PRKDC: variants seen among roughly 807,000 people sequenced by gnomAD.
The protein encoded by PRKDC is DNA-dependent protein kinase catalytic subunit.
PRKDC carries 82 observed loss-of-function variants against 486.9 expected under a neutral mutation model. That is an observed-to-expected ratio of 0.17 (90% CI 0.14 to 0.20). PRKDC has a LOEUF of 0.20. Among genes scored for constraint, PRKDC ranks in the 10% least tolerant of loss-of-function variants. The pLI, the probability that PRKDC is intolerant of heterozygous loss-of-function variation, is 1.00. For missense variants in PRKDC, 4,504 were observed against 5,038.2 expected (o/e 0.89, Z 3.21); for synonymous variants, 1,895 against 1,837.0 (o/e 1.03, Z -0.81).
At chr8:47,869,854 C>CAG (rs1041463378) in intron 40 of PRKDC, among the ~76,000 whole-genome samples, 1 of 152,134 alleles carries the variant, frequency 6.6e-6, no homozygotes, top group Non-Finnish European at 1.5e-5. Flanking sequence ...AAGCTGACTA[C>CAG]AGAGCCCTTG....
intron 61 of PRKDC, among the ~76,000 whole-genome samples, chr8:47,830,059 G>A (rs992446542): frequency 3.3e-5 from 5 of 152,144 alleles, no homozygotes; most frequent in Non-Finnish European, 5.9e-5. Flanking sequence ...AAAAAGCATG[G>A]TACTGGTACA....
intron 54 of PRKDC, 80 bp from the exon 55 acceptor site, chr8:47,840,269 T>G (rs1392814409): frequency 1.7e-6 from 2 of 1,155,642 alleles, no homozygotes; most frequent in Admixed American, 5.3e-5. Flanking sequence ...CAACTTTTTC[T>G]TCTTTGTTTC....
At position 47,819,500 on chromosome 8, in the gene PRKDC, C is replaced by T; in HGVS notation, c.9347G>A (p.Ser3116Asn). The T allele has an allele frequency of 3.8e-6, 3 of 792,092 alleles. No homozygotes were observed. Among genetic ancestry groups the T allele is most frequent in the Non-Finnish European group, 5.6e-6 (3 of 531,186 alleles). The allele number at this position is 792,092 out of a possible 1,614,324, so 49.1% of individuals were successfully genotyped here. A position where few individuals can be genotyped will look rare whatever the true frequency, so the allele number is the denominator to read the frequency against. ...ACTTTGGTGTAAGAGGACATCAATA[C>T]TAGAATAATTCTTAAAAAAAAAAAA... Reference protein sequence around the residue: ...GIQSFMQNYSSIDVLLHQSRL... With the variant: ...GIQSFMQNYSNIDVLLHQSRL... The change falls in exon 67 of 86, where the codon AGT becomes AAT. Residue 3116 changes from serine to asparagine, a missense_variant. Physicochemically the swap from Ser to Asn is conservative, Grantham distance 46. Coordinates refer to ENST00000314191, the MANE Select transcript of PRKDC (RefSeq NM_006904.7).
In PRKDC at chr8:47,898,709, GA is replaced by G. The variant is rs1345309820; in HGVS notation, c.3365-141del. 1.6e-5 allele frequency: 8 copies of G among 506,196 alleles called. No individual in the cohort carries two copies. In the East Asian group the frequency reaches 2.6e-4, roughly 17 times the overall value. 31.4% of individuals were successfully genotyped at this position (506,196 alleles called of 1,614,324 possible). On this transcript the variant is annotated intron_variant, in intron 28 of 85. Transcript: ENST00000314191. ...AGATTTAATATGTTTTCATCCCTAA[GA>G]ATAATAAAATTAGATAAATGATTCA...
At chr8:47,822,406 A>C (rs2154499056) in intron 64 of PRKDC, among the ~76,000 whole-genome samples, 1 of 152,320 alleles carries the variant, frequency 6.6e-6, no homozygotes, top group East Asian at 1.9e-4. Context: ...CTTGATTTAC[A>C]TCTCTACTGG....
intron 74 of PRKDC, among the ~76,000 whole-genome samples, chr8:47,794,083 G>C (rs552263184): frequency 6.6e-6 from 1 of 152,166 alleles, no homozygotes; most frequent in Non-Finnish European, 1.5e-5. Flanking sequence ...TGTTAGCAGT[G>C]TAAGATGAAA....
chr8:47,950,589 A>G (rs2090611164), intron 7 of PRKDC, among the ~76,000 whole-genome samples: 1 of 150,750 alleles, frequency 6.6e-6, no homozygotes, highest in Non-Finnish European at 1.5e-5. Context: ...AGATCATGCC[A>G]CTGCACTCCA....
In PRKDC at chr8:47,782,907, A is replaced by G. The variant is rs749819221; in HGVS notation, c.11176-309T>C. 3 of 399,252 alleles carry G rather than the reference A, an allele frequency of 7.5e-6. No individual in the cohort carries two copies. Among genetic ancestry groups the G allele is most frequent in the African/African-American group, 2.0e-5 (1 of 49,754 alleles). The allele number at this position is 399,252 out of a possible 1,614,324, so 24.7% of individuals were successfully genotyped here. ...ATGCTACACATATTTTATAGTGGAT[A>G]CTCACACACAGCTTACTCTTTGAGT... On this transcript the variant is annotated intron_variant, in intron 78 of 85. Transcript: ENST00000314191. This position sits in a 1 kb window ranked among gnomAD's most constrained non-coding sequence, Gnocchi z 4.9.
At chr8:47,951,870 G>A (rs1246486986) in intron 7 of PRKDC, among the ~76,000 whole-genome samples, 4 of 152,124 alleles carry the variant, frequency 2.6e-5, no homozygotes, top group East Asian at 3.8e-4. Flanking sequence ...CACAACCAAC[G>A]TCACTCATCA....
In PRKDC at chr8:47,890,345, T is replaced by G. The variant is rs768234930; in HGVS notation, c.3983A>C (p.Glu1328Ala). ...AGNRTSPQEG[E>A]RYNYSKCTVV... ...GGTGCATTTGCTGTAGTTGTACCTT[T>G]CTCCCTCTTGTGGGCTTGTTCTGTT... Residue 1328 changes from glutamate to alanine, a missense_variant, in exon 32 of 86, where the codon GAA becomes GCA. Around this residue, in one of 6 missense-constraint regions of PRKDC, gnomAD observed 1,969 missense variants for 2,068.9 expected, o/e 0.95. Transcript: ENST00000314191. The G allele has an allele frequency of 6.2e-7, 1 of 1,613,524 alleles. No individual in the cohort carries two copies. Among genetic ancestry groups the G allele is most frequent in the Non-Finnish European group, 8.5e-7 (1 of 1,179,796 alleles).
At chr8:47,925,739 CA>C (rs2090146342) in intron 21 of PRKDC, among the ~76,000 whole-genome samples, 2 of 151,638 alleles carry the variant, frequency 1.3e-5, no homozygotes, top group African/African-American at 2.4e-5. Flanking sequence ...CAAACGGTTC[CA>C]AAAAAAATGT....
chr8:47,801,985 T>C (rs551500644), intron 70 of PRKDC, among the ~76,000 whole-genome samples: 3 of 152,340 alleles, frequency 2.0e-5, no homozygotes, highest in East Asian at 3.9e-4. Flanking sequence ...TGGATACTAA[T>C]ATTAACATCA....
At chr8:47,959,001 G>T (rs1364641389) in intron 1 of PRKDC, 2 of 152,298 alleles carry the variant, frequency 1.3e-5, no homozygotes, top group Admixed American at 1.3e-4. Context: ...CTCCCAAAGT[G>T]CTGGGATTAC....
chr8:47,774,036 T>A lies in PRKDC; in HGVS notation c.*137A>T, dbSNP rs2086562686. 1.2e-6 allele frequency: 1 copy of A among 850,634 alleles called. No individual in the cohort carries two copies. Among genetic ancestry groups the A allele is most frequent in the Non-Finnish European group, 1.8e-6 (1 of 567,430 alleles). The allele number at this position is 850,634 out of a possible 1,614,324, so 52.7% of individuals were successfully genotyped here. A position where few individuals can be genotyped will look rare whatever the true frequency, so the allele number is the denominator to read the frequency against. On this transcript the variant is annotated 3_prime_UTR_variant, in exon 86 of 86. Coordinates refer to ENST00000314191, the MANE Select transcript of PRKDC (RefSeq NM_006904.7). ...TACTCATCATAATCTTGATTTAAAC[T>A]CATGCTACGAAACTGTAGCACAAAA...
intron 74 of PRKDC, among the ~76,000 whole-genome samples, chr8:47,793,315 G>C (rs1184777947): frequency 1.3e-5 from 2 of 152,148 alleles, no homozygotes; most frequent in African/African-American, 4.8e-5. Context: ...TCACAGATAA[G>C]CCACCCATTA....
At chr8:47,794,826 T>A (rs992234812) in intron 73 of PRKDC, among the ~76,000 whole-genome samples, 1 of 152,232 alleles carries the variant, frequency 6.6e-6, no homozygotes, top group African/African-American at 2.4e-5. Context: ...TGCTCTATAA[T>A]GAATATTTCA....
At chr8:47,931,895 C>T (rs998468850) in intron 16 of PRKDC, among the ~76,000 whole-genome samples, 4 of 152,050 alleles carry the variant, frequency 2.6e-5, no homozygotes, top group African/African-American at 9.7e-5. Flanking sequence ...CATGACTTAT[C>T]CTTTTGTTTT....
chr8:47,960,109 G>A lies in PRKDC; in HGVS notation c.18C>T (p.Ala6=), dbSNP rs887173974. 13 of 1,507,494 alleles carry A rather than the reference G, an allele frequency of 8.6e-6. No individual in the cohort carries two copies. Among genetic ancestry groups the A allele is most frequent in the South Asian group, 4.9e-5 (4 of 81,908 alleles). The allele number at this position is 1,507,494 out of a possible 1,614,324, so 93.4% of individuals were successfully genotyped here. A position where few individuals can be genotyped will look rare whatever the true frequency, so the allele number is the denominator to read the frequency against. Residue 6 remains alanine, a synonymous_variant, in exon 1 of 86, where the codon GCC becomes GCT. Coordinates refer to ENST00000314191, the MANE Select transcript of PRKDC (RefSeq NM_006904.7). ...GCCGCAGCAGGGAGCAACGCACACCGGCTCCGGAGCCCGCCATGCCGCCGA... is the reference window on the plus strand; with the variant it reads ...GCCGCAGCAGGGAGCAACGCACACCAGCTCCGGAGCCCGCCATGCCGCCGA... The part of the protein sequence containing the change: MAGSG[A]GVRCSLLRLQ...
intron 48 of PRKDC, among the ~76,000 whole-genome samples, chr8:47,857,973 C>T (rs887320636): frequency 6.6e-6 from 1 of 152,194 alleles, no homozygotes; most frequent in Non-Finnish European, 1.5e-5. Flanking sequence ...ACAGCCCAGG[C>T]AGTCAGTGCA....
Sources: gnomAD v4.1 joint callset for allele counts (sites outside exome capture counted in the v4.1 genomes callset) on GRCh38, gnomAD v4.1.1 for gene constraint, gnomAD v4.1.1 regional missense constraint, Gnocchi (gnomAD v3.1) non-coding constraint, MANE v1.5 for transcripts, NCBI Gene and HGNC (gene_info 2026-07-23, HGNC 2026-07-21) for gene names.